The following C1orf141 variants were observed in gnomAD, a reference collection of about 807,000 sequenced individuals.
C1orf141 encodes the protein uncharacterized protein C1orf141.
C1orf141 carries 19 observed loss-of-function variants against 23.2 expected under a neutral mutation model. The ratio of observed to expected loss-of-function variants is 0.82; its 90% confidence interval spans 0.57 to 1.20. C1orf141 has a LOEUF of 1.20. Among genes scored for constraint, C1orf141 ranks in the 50% most tolerant of loss-of-function variants. C1orf141 has a pLI of 0.00. For missense variants in C1orf141, 469 were observed against 455.1 expected, an observed-to-expected ratio of 1.03 and a Z score of -0.28; for synonymous variants, 153 against 154.6, an observed-to-expected ratio of 0.99 and a Z score of 0.08.
chr1:67,120,399 T>C (rs1646274560), intron 4 of C1orf141, among the ~76,000 whole-genome samples: 1 of 152,082 alleles, frequency 6.6e-6, no homozygotes, highest in South Asian at 2.1e-4. Context: ...TTTGGATCTA[T>C]TGGGATGGGA....
At chr1:67,099,822 A>G (rs1249279191) in intron 5 of C1orf141, among the ~76,000 whole-genome samples, 1 of 152,208 alleles carries the variant, frequency 6.6e-6, no homozygotes, top group Non-Finnish European at 1.5e-5. Context: ...TACAGGAGTC[A>G]ATGATGAGCA....
chr1:67,128,565 G>A (rs1398201130), intron 2 of C1orf141, among the ~76,000 whole-genome samples: 10 of 151,880 alleles, frequency 6.6e-5, no homozygotes, highest in South Asian at 4.2e-4. Context: ...TTAGCTGTGC[G>A]TGGTGCCACA....
chr1:67,137,461 T>G (rs1646595619), upstream of C1orf141, among the ~76,000 whole-genome samples: 1 of 152,162 alleles, frequency 6.6e-6, no homozygotes, highest in Non-Finnish European at 1.5e-5. Flanking sequence ...GTTCAGAGTT[T>G]GTAGTGGGGC....
rs549896256 is a variant in C1orf141 at position 67,119,471 on chromosome 1, G to T, written c.234-4007C>A. 6.3e-4 allele frequency among the ~76,000 whole-genome samples: 96 copies of T among 152,258 alleles called. 1 individual carries two copies. The highest frequency in any genetic ancestry group is 2.2e-3 in the African/African-American group (91 of 41,536). Reference sequence around the variant, plus strand: ...TAGTAAAATGCAAGAGGAAAGAAATGAATTGAAGATGAAATTATTAAGGAA... The same window carrying T: ...TAGTAAAATGCAAGAGGAAAGAAATTAATTGAAGATGAAATTATTAAGGAA... On this transcript the variant is annotated intron_variant, in intron 4 of 7. Transcript: ENST00000684719.
chr1:67,132,365 A>C (rs1646530403), intron 1 of C1orf141, among the ~76,000 whole-genome samples: 1 of 151,466 alleles, frequency 6.6e-6, no homozygotes, highest in Non-Finnish European at 1.5e-5. Flanking sequence ...CTAAAAATAC[A>C]AAAAAAAATT....
chr1:67,140,872 G>T (rs551177448), intron 1 of C1orf141, among the ~76,000 whole-genome samples: 1 of 152,020 alleles, frequency 6.6e-6, no homozygotes, highest in South Asian at 2.1e-4. Flanking sequence ...TCATTTTATA[G>T]ATTAAAAAAT....
intron 5 of C1orf141, among the ~76,000 whole-genome samples, chr1:67,097,136 A>C (rs1157044993): frequency 3.9e-5 from 6 of 152,126 alleles, no homozygotes; most frequent in Admixed American, 3.9e-4. Flanking sequence ...AAGTGGGAGG[A>C]CTGCTTAAGG....
chr1:67,139,316 A>G (rs1427539910), upstream of C1orf141, among the ~76,000 whole-genome samples: 1 of 152,232 alleles, frequency 6.6e-6, no homozygotes, highest in Non-Finnish European at 1.5e-5. Context: ...GAAGTAAATG[A>G]TTTACCAGTC....
upstream of C1orf141, chr1:67,139,279 A>G (rs1395137149): frequency 6.6e-6 from 1 of 152,246 alleles, no homozygotes; most frequent in Non-Finnish European, 1.5e-5. Flanking sequence ...AAATGGATAG[A>G]TTAACTATCT....
intron 5 of C1orf141, among the ~76,000 whole-genome samples, chr1:67,110,245 A>G (rs1646038569): frequency 6.6e-6 from 1 of 152,112 alleles, no homozygotes; most frequent in Non-Finnish European, 1.5e-5. Flanking sequence ...TTCATCATAT[A>G]TAAAGGGGAA....
intron 1 of C1orf141, among the ~76,000 whole-genome samples, chr1:67,141,566 T>C (rs1481928759): frequency 3.9e-5 from 6 of 152,056 alleles, no homozygotes; most frequent in Admixed American, 1.3e-4. Flanking sequence ...AAGACCAGCG[T>C]AGGCAACACA....
chr1:67,100,776 C>T (rs1645779460), intron 5 of C1orf141, among the ~76,000 whole-genome samples: 1 of 152,104 alleles, frequency 6.6e-6, no homozygotes, highest in East Asian at 1.9e-4. Flanking sequence ...TTTACTTGGG[C>T]ACTGTTAAAC....
chr1:67,136,498 GCTT>G (rs1646586337), upstream of C1orf141, among the ~76,000 whole-genome samples: 1 of 152,134 alleles, frequency 6.6e-6, no homozygotes, highest in Admixed American at 6.5e-5. Context: ...GTGAAAATTA[GCTT>G]CTTAAGAATT....
Position 67,125,649 on chromosome 1 carries a change from T to G in C1orf141, c.233+103A>C, listed in dbSNP as rs140400530. ...GGGAAGTTGAGGCTGCAGTGAGCCA[T>G]GTTTGCACCACTGCACTCTACCCTA... On this transcript the variant is annotated intron_variant, in intron 4 of 7. Coordinates refer to ENST00000684719, the MANE Select transcript of C1orf141 (RefSeq NM_001276351.2). The G allele has an allele frequency of 5.5e-4, 610 of 1,118,086 alleles. 4 individuals are homozygous for G. In the Middle Eastern group the frequency reaches 5.9e-3, roughly 11 times the overall value. 69.3% of individuals were successfully genotyped at this position (1,118,086 alleles called of 1,614,324 possible).
chr1:67,096,425 A>G (rs1158360042), intron 5 of C1orf141, 104 bp from the exon 6 acceptor site: 1 of 617,556 alleles, frequency 1.6e-6, no homozygotes, highest in Non-Finnish European at 2.9e-6. Flanking sequence ...TATGGAAAGT[A>G]CCTAGTATAG....
intron 3 of C1orf141, among the ~76,000 whole-genome samples, chr1:67,126,896 T>C (rs1646426143): frequency 6.6e-6 from 1 of 152,242 alleles, no homozygotes; most frequent in South Asian, 2.1e-4. Context: ...ATAGCAGCTT[T>C]ATTTTATTTT....
intron 7 of C1orf141, chr1:67,094,929 T>C (rs191320668): frequency 6.8e-5 from 15 of 219,062 alleles, no homozygotes; most frequent in African/African-American, 3.5e-4. Context: ...ACCACTGCAT[T>C]CTGCTAGATT....
chr1:67,135,230 G>A (rs1570744205), upstream of C1orf141, among the ~76,000 whole-genome samples: 1 of 152,220 alleles, frequency 6.6e-6, no homozygotes, highest in African/African-American at 2.4e-5. Flanking sequence ...CAGTGACTTT[G>A]TTTCCCCTTA....
chr1:67,112,809 T>C (rs922773239), intron 5 of C1orf141, among the ~76,000 whole-genome samples: 15 of 152,140 alleles, frequency 9.9e-5, no homozygotes, highest in Admixed American at 2.6e-4. Flanking sequence ...AGAGGTATAT[T>C]GTTGATAGCG....
Sources: allele counts gnomAD v4.1 joint callset (sites outside exome capture counted in the v4.1 genomes callset), GRCh38; gene constraint gnomAD v4.1.1; transcripts MANE v1.5; gene names NCBI Gene and HGNC (gene_info 2026-07-23, HGNC 2026-07-21).